TASP1: variants seen among roughly 807,000 people sequenced by gnomAD.
TASP1 encodes the protein taspase 1.
A neutral mutation model predicts 56.6 loss-of-function variants in TASP1; 16 were observed. The ratio of observed to expected loss-of-function variants is 0.28; its 90% CI spans 0.19 to 0.43. TASP1 has a LOEUF of 0.43. TASP1 is among the 20% of genes least tolerant of loss of function. TASP1 has a pLI of 1.00. For synonymous variants in TASP1, 179 were observed against 184.2 expected, an observed-to-expected ratio of 0.97 and a Z score of 0.23; for missense variants, 393 against 511.6, an observed-to-expected ratio of 0.77 and a Z score of 2.24.
chr20:13,176,364 G>T, the TASP1 span, among the ~76,000 whole-genome samples: 6 of 152,070 alleles, frequency 3.9e-5, no homozygotes, highest in Admixed American at 1.3e-4. Flanking sequence ...TGTCATATGT[G>T]GCCTTTATTA....
At chr20:13,316,577 TAATTATG>T in the TASP1 span, among the ~76,000 whole-genome samples, 2 of 151,528 alleles carry the variant, frequency 1.3e-5, no homozygotes, top group Admixed American at 6.6e-5. Flanking sequence ...TGGACAAAAA[TAATTATG>T]CCCCATGACC....
the TASP1 span, among the ~76,000 whole-genome samples, chr20:13,147,558 C>T: frequency 6.6e-6 from 1 of 152,158 alleles, no homozygotes; most frequent in Non-Finnish European, 1.5e-5. Flanking sequence ...GGTAAACTGG[C>T]AGATAGAGAA....
At chr20:13,286,355 T>C in the TASP1 span, among the ~76,000 whole-genome samples, 1 of 151,646 alleles carries the variant, frequency 6.6e-6, no homozygotes, top group Non-Finnish European at 1.5e-5. Context: ...ACCTGAGTGG[T>C]TTCTCCATCC....
At chr20:13,631,073 A>G (rs1173143627) in intron 1 of TASP1, among the ~76,000 whole-genome samples, 1 of 152,156 alleles carries the variant, frequency 6.6e-6, no homozygotes, top group Non-Finnish European at 1.5e-5. Context: ...ATTGACCCAC[A>G]ATGGATTGAA....
intron 4 of TASP1, among the ~76,000 whole-genome samples, chr20:13,605,798 C>G (rs73090108): frequency 6.6e-6 from 1 of 152,116 alleles, no homozygotes; most frequent in Non-Finnish European, 1.5e-5. Flanking sequence ...CAGTAAGTAG[C>G]CAGTGCTCCT....
intron 4 of TASP1, among the ~76,000 whole-genome samples, chr20:13,599,631 C>A (rs1008618285): frequency 1.3e-4 from 20 of 151,924 alleles, no homozygotes; most frequent in African/African-American, 3.9e-4. Flanking sequence ...AGCTATGTAA[C>A]AAACCTGCAC....
At chr20:13,201,225 G>C in the TASP1 span, among the ~76,000 whole-genome samples, 1 of 152,200 alleles carries the variant, frequency 6.6e-6, no homozygotes, top group Non-Finnish European at 1.5e-5. Context: ...GAATGGGATT[G>C]GAGAAAGGCA....
At chr20:13,622,351 A>G (rs561919358) in intron 4 of TASP1, among the ~76,000 whole-genome samples, 1 of 152,340 alleles carries the variant, frequency 6.6e-6, no homozygotes, top group East Asian at 1.9e-4. Context: ...TATCAGTCAT[A>G]TCAGGAGGGC....
chr20:13,293,917 T>G, the TASP1 span, among the ~76,000 whole-genome samples: 1 of 150,734 alleles, frequency 6.6e-6, no homozygotes, highest in South Asian at 2.1e-4. Flanking sequence ...GAGGTTGCAG[T>G]GAGTCGAGAT....
At chr20:13,504,958 T>C (rs923252134) in intron 10 of TASP1, among the ~76,000 whole-genome samples, 7 of 152,004 alleles carry the variant, frequency 4.6e-5, no homozygotes, top group African/African-American at 1.7e-4. Flanking sequence ...AATAATTACA[T>C]TGAATGTAAA....
intron 11 of TASP1, among the ~76,000 whole-genome samples, chr20:13,435,984 G>C (rs1331429069): frequency 6.6e-6 from 1 of 152,088 alleles, no homozygotes; most frequent in African/African-American, 2.4e-5. Context: ...AAGGAAGAAA[G>C]AAGCCATAGC....
the TASP1 span, among the ~76,000 whole-genome samples, chr20:13,268,213 T>C: frequency 6.7e-6 from 1 of 150,244 alleles, no homozygotes; most frequent in Admixed American, 6.6e-5. Context: ...TCTCTCTTGC[T>C]CCTTCTCTTT....
At chr20:13,471,442 T>A (rs747152409) in intron 11 of TASP1, among the ~76,000 whole-genome samples, 1 of 152,218 alleles carries the variant, frequency 6.6e-6, no homozygotes, top group Non-Finnish European at 1.5e-5. Context: ...TAATTTCTTA[T>A]TGGCATGTAA....
At chr20:13,210,510 T>C in the TASP1 span, among the ~76,000 whole-genome samples, 1 of 152,078 alleles carries the variant, frequency 6.6e-6, no homozygotes, top group Non-Finnish European at 1.5e-5. Context: ...GGCCGTATGG[T>C]TTCAGTTATA....
At chr20:13,506,010 AGACT>A (rs1465266903) in intron 10 of TASP1, among the ~76,000 whole-genome samples, 1 of 152,076 alleles carries the variant, frequency 6.6e-6, no homozygotes, top group South Asian at 2.1e-4. Flanking sequence ...ACTTTTAGCT[AGACT>A]AAGAATAAAA....
chr20:13,623,914 T>A (rs192210579), intron 3 of TASP1, among the ~76,000 whole-genome samples: 1 of 152,282 alleles, frequency 6.6e-6, no homozygotes, highest in Non-Finnish European at 1.5e-5. Flanking sequence ...GTTAATACTC[T>A]CCATACTTAA....
the TASP1 span, among the ~76,000 whole-genome samples, chr20:13,338,716 T>G: frequency 6.7e-6 from 1 of 148,552 alleles, no homozygotes; most frequent in Non-Finnish European, 1.5e-5. Flanking sequence ...TGGACTTGCT[T>G]GAATTTACAG....
intron 8 of TASP1, among the ~76,000 whole-genome samples, chr20:13,549,766 A>G (rs1009375699): frequency 6.6e-6 from 1 of 152,110 alleles, no homozygotes; most frequent in Non-Finnish European, 1.5e-5. Context: ...GACTATTCCA[A>G]TGATAACATT....
chr20:13,490,753 G>C (rs186780731), intron 10 of TASP1, among the ~76,000 whole-genome samples: 1 of 151,310 alleles, frequency 6.6e-6, no homozygotes, highest in Non-Finnish European at 1.5e-5. Flanking sequence ...CTGTTCTGCA[G>C]TGAGACTCAT....
Sources: gnomAD v4.1 joint callset for allele counts (sites outside exome capture counted in the v4.1 genomes callset) on GRCh38, gnomAD v4.1.1 for gene constraint, MANE v1.5 for transcripts, NCBI Gene and HGNC (gene_info 2026-07-23, HGNC 2026-07-21) for gene names.